OXCT1: variants seen among roughly 807,000 people sequenced by gnomAD.
OXCT1 encodes the protein succinyl-CoA:3-ketoacid coenzyme A transferase 1, mitochondrial.
OXCT1 carries 27 observed loss-of-function variants against 69.6 expected under a neutral mutation model. The observed-to-expected ratio is 0.39, with a 90% CI of 0.29 to 0.54. OXCT1 has a LOEUF of 0.54. Among genes scored for constraint, OXCT1 ranks in the 20% least tolerant of loss-of-function variants. OXCT1 has a pLI of 0.72. For synonymous variants in OXCT1, 202 were observed against 217.8 expected (o/e 0.93, Z 0.64); for missense variants, 437 against 650.2 (o/e 0.67, Z 3.57).
intron 14 of OXCT1, among the ~76,000 whole-genome samples, chr5:41,753,631 T>C (rs1326735554): frequency 6.6e-6 from 1 of 152,082 alleles, no homozygotes; most frequent in African/African-American, 2.4e-5. Context: ...GTGTCCCCAG[T>C]GTGTGGCCCT....
chr5:41,738,130 T>G (rs1295725634), intron 16 of OXCT1, among the ~76,000 whole-genome samples: 1 of 152,204 alleles, frequency 6.6e-6, no homozygotes, highest in Non-Finnish European at 1.5e-5. Flanking sequence ...ATACAATATA[T>G]GTATGACTTA....
intron 9 of OXCT1, 146 bp from the exon 10 acceptor site, chr5:41,803,309 A>C: frequency 1.8e-6 from 1 of 570,748 alleles, no homozygotes; most frequent in Non-Finnish European, 3.1e-6. Flanking sequence ...CCAATCACCC[A>C]TGGCGCATTA....
intron 5 of OXCT1, among the ~76,000 whole-genome samples, chr5:41,847,182 G>T (rs1385252316): frequency 6.6e-6 from 1 of 151,822 alleles, no homozygotes; most frequent in Non-Finnish European, 1.5e-5. Flanking sequence ...AAATCTAGAA[G>T]AAATGGATAA....
chr5:41,809,484 C>A (rs1366106929), intron 7 of OXCT1, among the ~76,000 whole-genome samples: 1 of 151,920 alleles, frequency 6.6e-6, no homozygotes, highest in Non-Finnish European at 1.5e-5. Context: ...ACTAAGCAAA[C>A]CCTTCTTGCC....
intron 13 of OXCT1, among the ~76,000 whole-genome samples, chr5:41,763,832 C>T (rs1345930576): frequency 2.6e-5 from 4 of 152,022 alleles, no homozygotes; most frequent in Non-Finnish European, 5.9e-5. Context: ...AATTCTGTCC[C>T]CTGTGACAAA....
intron 4 of OXCT1, among the ~76,000 whole-genome samples, chr5:41,851,081 A>G (rs1417416212): frequency 1.3e-5 from 2 of 152,196 alleles, no homozygotes; most frequent in African/African-American, 4.8e-5. Flanking sequence ...GGATCACTTG[A>G]GGCCAGGAGT....
intron 13 of OXCT1, among the ~76,000 whole-genome samples, chr5:41,781,102 A>C (rs1397081740): frequency 1.3e-5 from 2 of 151,972 alleles, no homozygotes; most frequent in Admixed American, 6.6e-5. Context: ...ACGGGGTTTC[A>C]CCATGTTAGC....
intron 5 of OXCT1, among the ~76,000 whole-genome samples, chr5:41,848,566 G>A (rs1749034985): frequency 6.8e-6 from 1 of 146,368 alleles, no homozygotes; most frequent in Non-Finnish European, 1.5e-5. Context: ...AAACAGCATG[G>A]TACTGGTACC....
intron 5 of OXCT1, among the ~76,000 whole-genome samples, chr5:41,848,145 CAG>C (rs1273263441): frequency 2.7e-5 from 4 of 150,352 alleles, no homozygotes; most frequent in African/African-American, 9.8e-5. Context: ...AACAGACAAA[CAG>C]AGAGCCAAAT....
intron 7 of OXCT1, among the ~76,000 whole-genome samples, chr5:41,829,272 G>A (rs967472993): frequency 1.3e-5 from 2 of 152,032 alleles, no homozygotes; most frequent in African/African-American, 4.8e-5. Flanking sequence ...TTAAAAGCCT[G>A]GATTTACATA....
chr5:41,863,078 T>C (rs1200955308), intron 1 of OXCT1, among the ~76,000 whole-genome samples: 2 of 152,196 alleles, frequency 1.3e-5, no homozygotes, highest in Non-Finnish European at 2.9e-5. Flanking sequence ...TATTACAGTA[T>C]ATTGTTATAA....
intron 13 of OXCT1, among the ~76,000 whole-genome samples, chr5:41,787,700 C>T (rs1745713054): frequency 7.2e-6 from 1 of 139,410 alleles, no homozygotes; most frequent in Admixed American, 7.2e-5. Flanking sequence ...CACAATCCTA[C>T]CAAACAGTGA....
At chr5:41,824,529 T>C (rs1174230851) in intron 7 of OXCT1, among the ~76,000 whole-genome samples, 2 of 152,102 alleles carry the variant, frequency 1.3e-5, no homozygotes, top group Non-Finnish European at 2.9e-5. Flanking sequence ...AATTTACATA[T>C]AAAATATTAC....
At chr5:41,766,589 A>G (rs927934228) in intron 13 of OXCT1, among the ~76,000 whole-genome samples, 2 of 151,758 alleles carry the variant, frequency 1.3e-5, no homozygotes, top group South Asian at 4.1e-4. Flanking sequence ...AAAAACAACA[A>G]CAACAACAGG....
At chr5:41,789,025 T>C (rs911057223) in intron 13 of OXCT1, among the ~76,000 whole-genome samples, 2 of 152,130 alleles carry the variant, frequency 1.3e-5, no homozygotes, top group Admixed American at 6.5e-5. Context: ...CAATGGGTCA[T>C]ACAAAAAATA....
chr5:41,833,306 A>G (rs1748187433), intron 7 of OXCT1, among the ~76,000 whole-genome samples: 1 of 152,180 alleles, frequency 6.6e-6, no homozygotes, highest in African/African-American at 2.4e-5. Flanking sequence ...ATGTCTGGCA[A>G]CAGACTTTTC....
chr5:41,738,651 A>C (rs1743008840), intron 16 of OXCT1, among the ~76,000 whole-genome samples: 1 of 152,202 alleles, frequency 6.6e-6, no homozygotes, highest in Non-Finnish European at 1.5e-5. Context: ...ATTTCTTCAG[A>C]GACATTTTAG....
chr5:41,772,294 C>G (rs987922358), intron 13 of OXCT1, among the ~76,000 whole-genome samples: 20 of 151,124 alleles, frequency 1.3e-4, no homozygotes, highest in African/African-American at 4.9e-4. Flanking sequence ...CTGCAAAGCT[C>G]TAAGAGCACA....
intron 16 of OXCT1, among the ~76,000 whole-genome samples, chr5:41,738,149 C>G (rs1381038340): frequency 2.0e-5 from 3 of 152,154 alleles, no homozygotes; most frequent in Admixed American, 6.5e-5. Flanking sequence ...TATCAAATAA[C>G]TTTTGTTAAA....
Sources: allele counts gnomAD v4.1 joint callset (sites outside exome capture counted in the v4.1 genomes callset), GRCh38; gene constraint gnomAD v4.1.1; transcripts MANE v1.5; gene names NCBI Gene and HGNC (gene_info 2026-07-23, HGNC 2026-07-21).